Variants in PPP3R1 observed in about 807,000 individuals in gnomAD.
PPP3R1 encodes the protein calcineurin subunit B type 1.
A neutral mutation model predicts 22.6 loss-of-function variants in PPP3R1; 5 were observed. The observed-to-expected ratio is 0.22, with a 90% CI of 0.12 to 0.46. The LOEUF is 0.46. Ranked by LOEUF, PPP3R1 falls within the 20% of genes least tolerant of loss-of-function variation. The probability of loss-of-function intolerance (pLI) is 0.99; values close to 1 mark genes in which losing one functional copy is unlikely to be tolerated. For synonymous variants in PPP3R1, 56 were observed against 65.2 expected (o/e 0.86, Z 0.68); for missense variants, 61 against 203.2 (o/e 0.30, Z 4.25).
chr2:68,183,717 C>T (rs1216759723), intron 5 of PPP3R1, among the ~76,000 whole-genome samples: 2 of 152,104 alleles, frequency 1.3e-5, no homozygotes, highest in Non-Finnish European at 2.9e-5. Context: ...TTTTACTGGT[C>T]TTGTCTAATC....
At chr2:68,234,927 C>G (rs969169983) in intron 1 of PPP3R1, among the ~76,000 whole-genome samples, 2 of 151,964 alleles carry the variant, frequency 1.3e-5, no homozygotes, top group African/African-American at 2.4e-5. Context: ...TAGGAAATAG[C>G]TGAAGTAGAG....
At chr2:68,200,764 A>G (rs1572958364) in intron 2 of PPP3R1, among the ~76,000 whole-genome samples, 1 of 152,360 alleles carries the variant, frequency 6.6e-6, no homozygotes, top group Admixed American at 6.5e-5. Context: ...AAAAGAGAAT[A>G]AGAGTCTTCC....
chr2:68,252,350 G>T lies in PPP3R1; in HGVS notation c.-223C>A. On this transcript the variant is annotated 5_prime_UTR_variant, in exon 1 of 6. Coordinates refer to ENST00000234310, the MANE Select transcript of PPP3R1 (RefSeq NM_000945.4). ...GGGTAGGGGGAAATAAATTAAGGTC[G>T]AGATTCAGAGCCGGAGAGCGCGGGA... The T allele has an allele frequency of 2.0e-6, 2 of 1,010,404 alleles. No individual in the cohort carries two copies. The highest frequency in any genetic ancestry group is 9.2e-5 in the South Asian group (2 of 21,780). 62.6% of individuals were successfully genotyped at this position (1,010,404 alleles called of 1,614,324 possible).
intron 1 of PPP3R1, among the ~76,000 whole-genome samples, chr2:68,230,184 G>T (rs1669868883): frequency 6.6e-6 from 1 of 152,046 alleles, no homozygotes; most frequent in African/African-American, 2.4e-5. Context: ...GGTTGAGACA[G>T]GTTTCACCAT....
chr2:68,241,100 G>A (rs934258331), intron 1 of PPP3R1, among the ~76,000 whole-genome samples: 3 of 152,196 alleles, frequency 2.0e-5, no homozygotes, highest in South Asian at 2.1e-4. Flanking sequence ...AGTATCCACT[G>A]GGAACTGGTC....
chr2:68,200,084 C>T (rs1000246290), intron 2 of PPP3R1, among the ~76,000 whole-genome samples: 1 of 152,074 alleles, frequency 6.6e-6, no homozygotes, highest in African/African-American at 2.4e-5. Flanking sequence ...ATTTTATTAA[C>T]TAATAAAAGG....
chr2:68,245,699 T>C (rs1670221770), intron 1 of PPP3R1, among the ~76,000 whole-genome samples: 1 of 152,224 alleles, frequency 6.6e-6, no homozygotes, highest in Non-Finnish European at 1.5e-5. Flanking sequence ...GCAGTATTCC[T>C]TTGTGGAACT....
chr2:68,204,864 T>C (rs1675078479), intron 2 of PPP3R1, among the ~76,000 whole-genome samples: 1 of 152,268 alleles, frequency 6.6e-6, no homozygotes, highest in South Asian at 2.1e-4. Flanking sequence ...TTACTCAGCA[T>C]CTGCTTTATG....
intron 1 of PPP3R1, among the ~76,000 whole-genome samples, chr2:68,227,911 G>A (rs1467938377): frequency 6.6e-6 from 1 of 152,074 alleles, no homozygotes; most frequent in Non-Finnish European, 1.5e-5. Context: ...CATACCATCT[G>A]CAAACGGGAT....
chr2:68,198,509 A>G (rs1260321991), intron 2 of PPP3R1, among the ~76,000 whole-genome samples: 1 of 150,576 alleles, frequency 6.6e-6, no homozygotes, highest in Non-Finnish European at 1.5e-5. Flanking sequence ...ATATGTGTAT[A>G]CATATATGAA....
intron 1 of PPP3R1, among the ~76,000 whole-genome samples, chr2:68,243,174 AAATT>A (rs1448787980): frequency 6.6e-6 from 1 of 152,232 alleles, no homozygotes; most frequent in Non-Finnish European, 1.5e-5. Flanking sequence ...TGAATTGTTT[AAATT>A]ATTAGTGCTA....
At position 68,233,636 on chromosome 2, in the gene PPP3R1, A is replaced by G. The variant is rs567652648; in HGVS notation, c.4-16505T>C. ...AAGGTGTATTTCCCAAATCGCAGTAATTTTTTTTTTAAGTCTACAAACAAA... is the reference window on the plus strand; with the variant it reads ...AAGGTGTATTTCCCAAATCGCAGTAGTTTTTTTTTTAAGTCTACAAACAAA... On this transcript the variant is annotated intron_variant, in intron 1 of 5. Transcript: ENST00000234310. Among the ~76,000 whole-genome samples, 10 of 150,606 alleles carry G rather than the reference A, an allele frequency of 6.6e-5. No individual in the cohort carries two copies. In the South Asian group the frequency reaches 1.9e-3, roughly 29 times the overall value.
chr2:68,211,806 A>C (rs1219474233), intron 2 of PPP3R1, among the ~76,000 whole-genome samples: 2 of 152,100 alleles, frequency 1.3e-5, no homozygotes, highest in African/African-American at 4.8e-5. Context: ...CACTTTCTTT[A>C]CTCACCCATA....
chr2:68,191,310 T>A (rs563135208), intron 2 of PPP3R1, among the ~76,000 whole-genome samples: 1 of 152,328 alleles, frequency 6.6e-6, no homozygotes, highest in African/African-American at 2.4e-5. Context: ...CTGTACAGCA[T>A]CTTACTGTAC....
intron 2 of PPP3R1, 76 bp from the exon 3 acceptor site, chr2:68,188,766 T>A: frequency 1.5e-6 from 2 of 1,350,332 alleles, no homozygotes; most frequent in Non-Finnish European, 2.0e-6. Context: ...AGTAGCAAGA[T>A]TTTAAAAAAA....
chr2:68,192,935 A>G lies in PPP3R1; in HGVS notation c.44-4245T>C, dbSNP rs184060380. ...ATTTCCTTATAAACCTCCTGCTGGA[A>G]TGGCCTTGCCTGAATTCTCCATTTA... On this transcript the variant is annotated intron_variant, in intron 2 of 5. Transcript: ENST00000234310. 3.0e-3 allele frequency among the ~76,000 whole-genome samples: 454 copies of G among 152,250 alleles called. 4 individuals carry two copies. Among genetic ancestry groups the G allele is most frequent in the African/African-American group, 0.01 (425 of 41,580 alleles).
intron 5 of PPP3R1, 34 bp downstream of exon 5, chr2:68,186,434 T>C (rs1228042388): frequency 6.5e-7 from 1 of 1,549,198 alleles, no homozygotes; most frequent in East Asian, 2.3e-5. Context: ...TGCTGAAACA[T>C]AACTAACGGA....
intron 1 of PPP3R1, among the ~76,000 whole-genome samples, chr2:68,219,354 T>C (rs1479586393): frequency 6.6e-6 from 1 of 152,202 alleles, no homozygotes; most frequent in Non-Finnish European, 1.5e-5. Flanking sequence ...CAATATAATT[T>C]TGTTCCACGT....
At chr2:68,208,167 AC>A (rs1450424811) in intron 2 of PPP3R1, among the ~76,000 whole-genome samples, 8 of 152,114 alleles carry the variant, frequency 5.3e-5, no homozygotes, top group African/African-American at 1.7e-4. Context: ...AAAACGCCCG[AC>A]TCACTGACTT....
Sources: allele counts gnomAD v4.1 joint callset (sites outside exome capture counted in the v4.1 genomes callset), GRCh38; gene constraint gnomAD v4.1.1; transcripts MANE v1.5; gene names NCBI Gene and HGNC (gene_info 2026-07-23, HGNC 2026-07-21).